BMP7: variants seen among roughly 807,000 people sequenced by gnomAD.
BMP7 encodes the protein osteogenic protein 1.
Under a neutral mutation model 41.2 loss-of-function variants are expected in BMP7, and 12 were observed. The ratio of observed to expected loss-of-function variants is 0.29; its 90% CI spans 0.19 to 0.47. BMP7 has a LOEUF of 0.47. Among genes scored for constraint, BMP7 ranks in the 20% least tolerant of loss-of-function variants. The probability of loss-of-function intolerance (pLI) is 0.99; values close to 1 mark genes in which losing one functional copy is unlikely to be tolerated. For missense variants in BMP7, 467 were observed against 606.0 expected, an observed-to-expected ratio of 0.77 and a Z score of 2.41; for synonymous variants, 248 against 250.0, an observed-to-expected ratio of 0.99 and a Z score of 0.07.
intron 2 of BMP7, chr20:57,225,843 C>G (rs1208023821): frequency 1.5e-5 from 7 of 471,126 alleles, no homozygotes; most frequent in South Asian, 1.1e-4. Context: ...CTTCCTTGCT[C>G]AATGCTCCCA....
intron 1 of BMP7, among the ~76,000 whole-genome samples, chr20:57,245,077 T>C (rs2066084439): frequency 6.6e-6 from 1 of 152,180 alleles, no homozygotes; most frequent in South Asian, 2.1e-4. Context: ...ACTCTGTCCC[T>C]GGACCACAGT....
chr20:57,255,602 C>A (rs1469007724), intron 1 of BMP7, among the ~76,000 whole-genome samples: 1 of 151,952 alleles, frequency 6.6e-6, no homozygotes, highest in African/African-American at 2.4e-5. Flanking sequence ...AAGTTTAAGA[C>A]CAGCCTGGCC....
intron 1 of BMP7, among the ~76,000 whole-genome samples, chr20:57,231,977 T>G (rs534778669): frequency 6.6e-6 from 1 of 152,340 alleles, no homozygotes; most frequent in Admixed American, 6.5e-5. Flanking sequence ...CATCATCTGA[T>G]GGAACCCCAT....
chr20:57,229,547 G>A (rs1233904063), intron 1 of BMP7, among the ~76,000 whole-genome samples: 1 of 152,194 alleles, frequency 6.6e-6, no homozygotes, highest in African/African-American at 2.4e-5. Context: ...ACATGGAGCA[G>A]GAATGACAAT....
intron 3 of BMP7, among the ~76,000 whole-genome samples, chr20:57,196,186 G>C (rs1984487130): frequency 6.6e-6 from 1 of 152,174 alleles, no homozygotes; most frequent in Non-Finnish European, 1.5e-5. Flanking sequence ...TTCCATGTCT[G>C]CAAGGACGAC....
chr20:57,234,595 A>G (rs914933623), intron 1 of BMP7, among the ~76,000 whole-genome samples: 5 of 152,326 alleles, frequency 3.3e-5, no homozygotes, highest in South Asian at 2.1e-4. Flanking sequence ...AGCAAAACAC[A>G]CACAAGCCCA....
Position 57,169,117 on chromosome 20 carries a change from C to T in BMP7, c.*1842G>A, listed in dbSNP as rs1349930519. 6.6e-6 allele frequency: 1 copy of T among 152,050 alleles called. No homozygotes were observed. The highest frequency in any genetic ancestry group is 1.5e-5 in the Non-Finnish European group (1 of 68,016). The allele number at this position is 152,050 out of a possible 1,614,324, so 9.4% of individuals were successfully genotyped here. On this transcript the variant is annotated 3_prime_UTR_variant, in exon 7 of 7. Coordinates refer to ENST00000395863, the MANE Select transcript of BMP7 (RefSeq NM_001719.3). ...GCCCCAGCTCTGCCAGCAAATGAAA[C>T]CAAACATAACAAAAAATACTCCTCC... is the stretch of plus-strand genomic sequence containing the variant.
chr20:57,178,961 C>T (rs185920443), intron 4 of BMP7, among the ~76,000 whole-genome samples: 147 of 152,310 alleles, frequency 9.7e-4, no homozygotes, highest in Non-Finnish European at 1.6e-3. Context: ...GGCCTGAGTG[C>T]TACTTTCCCC....
At chr20:57,248,411 C>G (rs547154414) in intron 1 of BMP7, among the ~76,000 whole-genome samples, 1 of 152,290 alleles carries the variant, frequency 6.6e-6, no homozygotes, top group Non-Finnish European at 1.5e-5. Context: ...GGCTTACACA[C>G]AGTTTAGCCC....
At chr20:57,178,777 C>G (rs577432234) in intron 4 of BMP7, among the ~76,000 whole-genome samples, 26 of 152,196 alleles carry the variant, frequency 1.7e-4, no homozygotes, top group African/African-American at 5.8e-4. Context: ...GCTGCTAGCT[C>G]GAGCCAGGGA....
chr20:57,223,305 A>G (rs991295626), intron 2 of BMP7, among the ~76,000 whole-genome samples: 3 of 152,100 alleles, frequency 2.0e-5, no homozygotes, highest in Non-Finnish European at 4.4e-5. Context: ...AATTAGAGAG[A>G]TCTTAGCCAC....
intron 3 of BMP7, 34 bp downstream of exon 3, chr20:57,202,441 C>T (rs773561166): frequency 6.3e-7 from 1 of 1,598,628 alleles, no homozygotes. Flanking sequence ...GGAGCACAGG[C>T]TGCATTAGGA....
At chr20:57,190,221 G>A (rs923456042) in intron 3 of BMP7, among the ~76,000 whole-genome samples, 3 of 151,478 alleles carry the variant, frequency 2.0e-5, no homozygotes, top group Non-Finnish European at 4.4e-5. Flanking sequence ...GAACCAGAGG[G>A]GGTGAGGCTG....
intron 2 of BMP7, among the ~76,000 whole-genome samples, chr20:57,222,408 C>T (rs1466334759): frequency 6.6e-6 from 1 of 152,176 alleles, no homozygotes; most frequent in East Asian, 1.9e-4. Flanking sequence ...CTGGCATTAA[C>T]TGGATTGAAC....
chr20:57,249,257 C>T (rs2066102740), intron 1 of BMP7, among the ~76,000 whole-genome samples: 1 of 151,898 alleles, frequency 6.6e-6, no homozygotes, highest in Non-Finnish European at 1.5e-5. Flanking sequence ...AGTGTAGGAC[C>T]TGTATCATAC....
chr20:57,209,282 T>TGTATATAA (rs1984824911), intron 2 of BMP7, among the ~76,000 whole-genome samples: 1 of 136,610 alleles, frequency 7.3e-6, no homozygotes, highest in Non-Finnish European at 1.5e-5. Flanking sequence ...TATATATATA[T>TGTATATAA]ATATGTATAT....
chr20:57,184,984 G>A (rs1193358342), intron 3 of BMP7, among the ~76,000 whole-genome samples: 2 of 152,200 alleles, frequency 1.3e-5, no homozygotes, highest in Non-Finnish European at 2.9e-5. Flanking sequence ...CCCTGGTCAG[G>A]ACACCAAGGC....
intron 4 of BMP7, among the ~76,000 whole-genome samples, chr20:57,183,056 G>A (rs946198825): frequency 2.6e-5 from 4 of 152,146 alleles, no homozygotes; most frequent in African/African-American, 9.7e-5. Context: ...CCGACATGGT[G>A]AAACCCCGTC....
At chr20:57,205,688 G>T (rs1984713871) in intron 2 of BMP7, among the ~76,000 whole-genome samples, 1 of 152,206 alleles carries the variant, frequency 6.6e-6, no homozygotes, top group African/African-American at 2.4e-5. Flanking sequence ...CTCGAGGACA[G>T]TAAAACAATG....
Sources: allele counts gnomAD v4.1 joint callset (sites outside exome capture counted in the v4.1 genomes callset), GRCh38; gene constraint gnomAD v4.1.1; transcripts MANE v1.5; gene names NCBI Gene and HGNC (gene_info 2026-07-23, HGNC 2026-07-21).